The following RLF variants were observed in gnomAD, a reference collection of about 807,000 sequenced individuals.
RLF encodes zinc finger protein Rlf.
RLF carries 7 observed loss-of-function variants against 162.9 expected under a neutral mutation model. The observed-to-expected ratio is 0.04, with a 90% confidence interval of 0.02 to 0.08. RLF has a LOEUF of 0.08. Among genes scored for constraint, RLF ranks in the 10% least tolerant of loss-of-function variants. RLF has a pLI of 1.00. For missense variants in RLF, 1,664 were observed against 2,244.7 expected, an observed-to-expected ratio of 0.74 and a Z score of 5.23; for synonymous variants, 782 against 791.5, an observed-to-expected ratio of 0.99 and a Z score of 0.20.
chr1:40,231,360 G>A lies in RLF; in HGVS notation c.948-157G>A, dbSNP rs1643149546. On this transcript the variant is annotated intron_variant, in intron 6 of 7. Transcript: ENST00000372771. ...CGGAGGATTCTTAACAATTTTATCA[G>A]TTTGGGAGAAAGCAGTGGTGAATAT... is the stretch of plus-strand genomic sequence containing the variant. The A allele has an allele frequency of 6.9e-6, 4 of 582,812 alleles. No individual in the cohort carries two copies. In the East Asian group the frequency reaches 1.1e-4, roughly 16 times the overall value. The allele number at this position is 582,812 out of a possible 1,614,324, so 36.1% of individuals were successfully genotyped here.
chr1:40,232,433 G>T (rs7527444), intron 7 of RLF, among the ~76,000 whole-genome samples: 1 of 152,108 alleles, frequency 6.6e-6, no homozygotes, highest in Non-Finnish European at 1.5e-5. Context: ...AATGTGGCAG[G>T]ATTCTCTTCT....
rs888194678 is a variant in RLF at position 40,221,831 on chromosome 1, C to T, written c.811-743C>T. 3.5e-4 allele frequency among the ~76,000 whole-genome samples: 49 copies of T among 139,842 alleles called. 1 individual carries two copies. The highest frequency in any genetic ancestry group is 3.0e-4 in the Admixed American group (4 of 13,242). The allele number at this position is 139,842 out of a possible 152,430, so 91.7% of individuals were successfully genotyped here. A position where few individuals can be genotyped will look rare whatever the true frequency, so the allele number is the denominator to read the frequency against. On this transcript the variant is annotated intron_variant, in intron 5 of 7. Coordinates refer to ENST00000372771, the MANE Select transcript of RLF (RefSeq NM_012421.4). ...AGGAGAATGGCTTGAACCCGGAAGT[C>T]GGAGGTTGCAGTGAGCTGAGATCGC...
Position 40,161,994 on chromosome 1 carries a change from A to G in RLF, c.237+358A>G, listed in dbSNP as rs2124520270. On this transcript the variant is annotated intron_variant, in intron 1 of 7. Transcript: ENST00000372771. The surrounding 1 kb of genome is among the most constrained non-coding windows in gnomAD (Gnocchi z 4.4). ...GTCCCTGCCGGGAGATCCTTTTTTGAGTGGAGTGCAGATCTCCGAACTGGT... is the reference window on the plus strand; with the variant it reads ...GTCCCTGCCGGGAGATCCTTTTTTGGGTGGAGTGCAGATCTCCGAACTGGT... Among the ~76,000 whole-genome samples, 1 of 151,988 alleles carries G rather than the reference A, an allele frequency of 6.6e-6. No homozygotes were observed. Among genetic ancestry groups the G allele is most frequent in the East Asian group, 1.9e-4 (1 of 5,188 alleles).
Position 40,239,703 on chromosome 1 carries a change from C to G in RLF, c.5001C>G (p.Leu1667=). Residue 1667 remains leucine (L), a synonymous_variant, in exon 8 of 8, where the codon CTC becomes CTG. Coordinates refer to ENST00000372771, the MANE Select transcript of RLF (RefSeq NM_012421.4). Reference sequence around the variant, plus strand: ...CAGTATTTGATGCAGATACTCTGCTCTACAGGGGAACTTTGAAATGTAATC... The same window carrying G: ...CAGTATTTGATGCAGATACTCTGCTGTACAGGGGAACTTTGAAATGTAATC... ...SSSVFDADTL[L]YRGTLKCNHS... 6.2e-7 allele frequency: 1 copy of G among 1,614,148 alleles called. No individual in the cohort carries two copies. Among genetic ancestry groups the G allele is most frequent in the Non-Finnish European group, 8.5e-7 (1 of 1,180,026 alleles).
At chr1:40,162,315 T>C (rs1181255477) in intron 1 of RLF, among the ~76,000 whole-genome samples, 2 of 152,088 alleles carry the variant, frequency 1.3e-5, no homozygotes, top group African/African-American at 4.8e-5. Flanking sequence ...TGTGGCCTCT[T>C]TTGGCAGTCG....
At chr1:40,168,549 G>A (rs1570511251) in intron 1 of RLF, among the ~76,000 whole-genome samples, 1 of 152,118 alleles carries the variant, frequency 6.6e-6, no homozygotes, top group East Asian at 1.9e-4. Flanking sequence ...GGCCAAGAAA[G>A]AAAGAGACAT....
At chr1:40,217,248 T>C (rs2124550781) in intron 5 of RLF, among the ~76,000 whole-genome samples, 1 of 152,236 alleles carries the variant, frequency 6.6e-6, no homozygotes, top group African/African-American at 2.4e-5. Flanking sequence ...GGGGGAACAT[T>C]TGAGGCCAGG....
At chr1:40,178,255 A>C (rs925244551) in intron 1 of RLF, among the ~76,000 whole-genome samples, 2 of 152,116 alleles carry the variant, frequency 1.3e-5, no homozygotes, top group Non-Finnish European at 2.9e-5. Flanking sequence ...TCTGGATTCT[A>C]TTCTGTTTCA....
intron 5 of RLF, among the ~76,000 whole-genome samples, chr1:40,207,637 CAG>C (rs1351814342): frequency 6.6e-6 from 1 of 152,044 alleles, no homozygotes. Flanking sequence ...TTTTTGGAGA[CAG>C]AGTCTCTGTC....
intron 1 of RLF, among the ~76,000 whole-genome samples, chr1:40,176,247 T>C (rs1642324525): frequency 4.6e-5 from 7 of 152,232 alleles, no homozygotes; most frequent in Admixed American, 4.6e-4. Flanking sequence ...TTTCTTTTCT[T>C]TTGGGTAAAC....
intron 4 of RLF, among the ~76,000 whole-genome samples, chr1:40,199,665 A>G (rs765374286): frequency 6.6e-5 from 10 of 152,198 alleles, no homozygotes; most frequent in Non-Finnish European, 1.3e-4. Context: ...GGAATTTGCA[A>G]GGCGATAGGT....
chr1:40,239,621 A>T lies in RLF; in HGVS notation c.4919A>T (p.Asp1640Val). 1.2e-6 allele frequency: 2 copies of T among 1,614,152 alleles called. No homozygotes were observed. The highest frequency in any genetic ancestry group is 1.7e-6 in the Non-Finnish European group (2 of 1,180,026). Residue 1640 changes from aspartate to valine, a missense_variant, in exon 8 of 8, where the codon GAT becomes GTT. Transcript: ENST00000372771. ...AGTAGTGCACCCATCCAGAACACTG[A>T]TTGCTGTCATTCAAGTGAAAGGGAT... is the stretch of plus-strand genomic sequence containing the variant. ...GDSSAPIQNT[D>V]CCHSSERDGG...
intron 1 of RLF, among the ~76,000 whole-genome samples, chr1:40,184,481 C>T (rs552490728): frequency 1.7e-4 from 26 of 152,292 alleles, no homozygotes; most frequent in Non-Finnish European, 3.7e-4. Context: ...TTAGCTCTGG[C>T]TCCTGAAAGG....
At chr1:40,226,003 A>G (rs61778551) in intron 6 of RLF, among the ~76,000 whole-genome samples, 1 of 151,920 alleles carries the variant, frequency 6.6e-6, no homozygotes, top group Non-Finnish European at 1.5e-5. Flanking sequence ...ATGAGCCAAG[A>G]TCACACTGCA....
intron 6 of RLF, among the ~76,000 whole-genome samples, chr1:40,224,578 CTTTTTT>C: frequency 2.5e-5 from 1 of 40,446 alleles, no homozygotes; most frequent in Admixed American, 4.8e-4. Context: ...CTGGCCACAT[CTTTTTT>C]TTTTTTTTTT....
intron 1 of RLF, among the ~76,000 whole-genome samples, chr1:40,174,999 A>G (rs1347285620): frequency 6.6e-6 from 1 of 152,096 alleles, no homozygotes; most frequent in Middle Eastern, 3.2e-3. Context: ...CAGGAGTTCA[A>G]GACCAAGACT....
At chr1:40,200,867 T>TACACACACACACACACACACAC (rs71060356) in intron 4 of RLF, among the ~76,000 whole-genome samples, 1 of 34,860 alleles carries the variant, frequency 2.9e-5, no homozygotes, top group Non-Finnish European at 5.2e-5. Context: ...ATTGCTACTC[T>TACACACACACACACACACACAC]ACACACACAC....
chr1:40,178,243 A>G (rs1642354206), intron 1 of RLF, among the ~76,000 whole-genome samples: 2 of 152,222 alleles, frequency 1.3e-5, no homozygotes, highest in African/African-American at 4.8e-5. Context: ...TGTGTGTCTC[A>G]TTCTGGATTC....
intron 1 of RLF, among the ~76,000 whole-genome samples, chr1:40,165,786 C>T (rs986813169): frequency 6.6e-6 from 1 of 152,074 alleles, no homozygotes; most frequent in Admixed American, 6.6e-5. Flanking sequence ...ATTCCTCCCC[C>T]CCCTCCGCCA....
Sources: allele counts gnomAD v4.1 joint callset (sites outside exome capture counted in the v4.1 genomes callset), GRCh38; gene constraint gnomAD v4.1.1; non-coding constraint Gnocchi (gnomAD v3.1); transcripts MANE v1.5; gene names NCBI Gene and HGNC (gene_info 2026-07-23, HGNC 2026-07-21).